MYO5A: variants seen among roughly 807,000 people sequenced by gnomAD.
MYO5A encodes the protein myosin VA.
In MYO5A, 98 loss-of-function variants were observed where a neutral mutation model predicts 249.7. That is an observed-to-expected ratio of 0.39 (90% CI 0.33 to 0.46). The LOEUF (loss-of-function observed/expected upper bound fraction) is 0.46. MYO5A is among the 20% of genes least tolerant of loss of function. The pLI, the probability that MYO5A is intolerant of heterozygous loss-of-function variation, is 0.98. For missense variants in MYO5A, 1,696 were observed against 2,308.8 expected (o/e 0.73, Z 5.44); for synonymous variants, 778 against 810.6 (o/e 0.96, Z 0.68).
chr15:52,328,717 A>G (rs2038729417), intron 35 of MYO5A, among the ~76,000 whole-genome samples: 1 of 152,202 alleles, frequency 6.6e-6, no homozygotes, highest in African/African-American at 2.4e-5. Flanking sequence ...GCAGCTTCTC[A>G]TGTCAAGCAT....
chr15:52,472,122 A>G (rs1275089632), intron 1 of MYO5A, among the ~76,000 whole-genome samples: 1 of 149,656 alleles, frequency 6.7e-6, no homozygotes, highest in East Asian at 2.0e-4. Context: ...CTTGTTGCCC[A>G]GGCTGGAGTG....
intron 1 of MYO5A, among the ~76,000 whole-genome samples, chr15:52,449,696 T>A (rs1007403044): frequency 7.2e-5 from 11 of 152,302 alleles, no homozygotes; most frequent in Middle Eastern, 3.4e-3. Context: ...TCTCTTTTAA[T>A]GTGGTGTTAA....
intron 39 of MYO5A, among the ~76,000 whole-genome samples, chr15:52,317,575 CA>C (rs1317764557): frequency 1.3e-5 from 2 of 152,210 alleles, no homozygotes; most frequent in African/African-American, 4.8e-5. Context: ...GCTTCTCTTA[CA>C]ATTTCAGAGC....
intron 23 of MYO5A, 21 bp downstream of exon 23, chr15:52,367,010 T>C (rs1479235519): frequency 1.9e-6 from 3 of 1,596,020 alleles, no homozygotes; most frequent in Non-Finnish European, 2.6e-6. Context: ...GGTTGGCGTG[T>C]AGTACGCATA....
In MYO5A at chr15:52,325,532, G is replaced by C. The variant is rs139160225; in HGVS notation, c.4711-2088C>G. Among the ~76,000 whole-genome samples, 193 of 151,408 alleles carry C rather than the reference G, an allele frequency of 1.3e-3. 1 individual carries two copies. Among genetic ancestry groups the C allele is most frequent in the Middle Eastern group, 6.8e-3 (2 of 294 alleles). On this transcript the variant is annotated intron_variant, in intron 36 of 41. Coordinates refer to ENST00000399233, the MANE Select transcript of MYO5A (RefSeq NM_001382347.1). Reference sequence around the variant, plus strand: ...TCCTCCTACCTCACCTTCCCAAGTAGCTGGGACTAAAGGAACATGCCACCA... The same window carrying C: ...TCCTCCTACCTCACCTTCCCAAGTACCTGGGACTAAAGGAACATGCCACCA...
At chr15:52,371,878 GTAATAATAATAATAATAA>G (rs36207943) in intron 21 of MYO5A, among the ~76,000 whole-genome samples, 9,195 of 143,074 alleles carry the variant, frequency 0.064, 889 homozygotes, top group African/African-American at 0.21. Flanking sequence ...TCAAATAATA[GTAATAATAATAATAATAA>G]TAATAATAAT....
At chr15:52,368,233 C>A (rs892373373) in intron 22 of MYO5A, among the ~76,000 whole-genome samples, 2 of 152,134 alleles carry the variant, frequency 1.3e-5, no homozygotes, top group African/African-American at 4.8e-5. Context: ...AGACATCAGT[C>A]CAGTAGGTAT....
At chr15:52,478,250 G>C (rs1041222968) in intron 1 of MYO5A, among the ~76,000 whole-genome samples, 4 of 152,230 alleles carry the variant, frequency 2.6e-5, no homozygotes, top group Admixed American at 1.3e-4. Flanking sequence ...AGTTTGCTAA[G>C]AACGTTGGAA....
intron 1 of MYO5A, among the ~76,000 whole-genome samples, chr15:52,435,174 A>G (rs190645640): frequency 6.6e-6 from 1 of 152,234 alleles, no homozygotes; most frequent in East Asian, 1.9e-4. Context: ...TGGGTGAACG[A>G]AAGTACAGGT....
At chr15:52,338,408 G>C (rs191625668) in intron 32 of MYO5A, among the ~76,000 whole-genome samples, 31 of 152,190 alleles carry the variant, frequency 2.0e-4, no homozygotes, top group African/African-American at 7.0e-4. Flanking sequence ...AGATGAGGTA[G>C]AAAAATCATT....
chr15:52,440,170 A>C lies in MYO5A; in HGVS notation c.28-6885T>G, dbSNP rs1004199356. Among the ~76,000 whole-genome samples, 3 of 152,354 alleles carry C rather than the reference A, an allele frequency of 2.0e-5. No homozygotes were observed. In the South Asian group the frequency reaches 6.2e-4, roughly 32 times the overall value. On this transcript the variant is annotated intron_variant, in intron 1 of 41. Transcript: ENST00000399233. ...CTGGAACATGCCAGAGAGAGGCACC[A>C]AGCAGTGTTGGCTCACCCAGCACTG... is the stretch of plus-strand genomic sequence containing the variant.
chr15:52,480,223 G>A (rs28687913), intron 1 of MYO5A, among the ~76,000 whole-genome samples: 5,109 of 152,200 alleles, frequency 0.034, 227 homozygotes, highest in African/African-American at 0.11. Flanking sequence ...TACTAATTGC[G>A]ATAGAAACTT....
At chr15:52,399,597 C>G (rs1236853528) in intron 9 of MYO5A, among the ~76,000 whole-genome samples, 1 of 152,008 alleles carries the variant, frequency 6.6e-6, no homozygotes, top group Non-Finnish European at 1.5e-5. Context: ...TTCAAACTTT[C>G]TGTATCTCTA....
intron 34 of MYO5A, among the ~76,000 whole-genome samples, chr15:52,332,096 A>G (rs2038913306): frequency 6.6e-6 from 1 of 152,254 alleles, no homozygotes; most frequent in African/African-American, 2.4e-5. Context: ...TGTAAAAAAC[A>G]AAATTATAAA....
At position 52,348,738 on chromosome 15, in the gene MYO5A, G is replaced by C. The variant is rs2141012514; in HGVS notation, c.3858+80C>G. 3 of 1,170,412 alleles carry C rather than the reference G, an allele frequency of 2.6e-6. No individual in the cohort carries two copies. The South Asian group carries it at 4.4e-5, about 17-fold the overall frequency. 72.5% of individuals were successfully genotyped at this position (1,170,412 alleles called of 1,614,324 possible). A position where few individuals can be genotyped will look rare whatever the true frequency, so the allele number is the denominator to read the frequency against. ...TAGACTTGGTCAGAAAGCATCAATTGCCTTTATTGGGGGATACTTGTAAAC... is the reference window on the plus strand; with the variant it reads ...TAGACTTGGTCAGAAAGCATCAATTCCCTTTATTGGGGGATACTTGTAAAC... On this transcript the variant is annotated intron_variant, in intron 29 of 41. Coordinates refer to ENST00000399233, the MANE Select transcript of MYO5A (RefSeq NM_001382347.1).
intron 1 of MYO5A, chr15:52,505,861 T>C: frequency 6.3e-7 from 1 of 1,577,860 alleles, no homozygotes; most frequent in Non-Finnish European, 8.5e-7. Context: ...CAACAAGATC[T>C]AAAATCCATC....
intron 1 of MYO5A, among the ~76,000 whole-genome samples, chr15:52,437,067 T>C (rs2075679877): frequency 6.6e-6 from 1 of 152,212 alleles, no homozygotes; most frequent in Non-Finnish European, 1.5e-5. Flanking sequence ...TAGGAAGTGA[T>C]TTCTAATGTC....
At chr15:52,441,486 A>G (rs1002707910) in intron 1 of MYO5A, among the ~76,000 whole-genome samples, 2 of 152,010 alleles carry the variant, frequency 1.3e-5, no homozygotes, top group African/African-American at 4.8e-5. Context: ...CTCCCCACCA[A>G]TTTTCACTTG....
At chr15:52,420,837 G>C (rs1027531446) in intron 4 of MYO5A, among the ~76,000 whole-genome samples, 3 of 152,180 alleles carry the variant, frequency 2.0e-5, no homozygotes, top group Non-Finnish European at 2.9e-5. Flanking sequence ...AATAGGGCCA[G>C]GTAGTTGAAA....
Sources: allele counts gnomAD v4.1 joint callset (sites outside exome capture counted in the v4.1 genomes callset), GRCh38; gene constraint gnomAD v4.1.1; transcripts MANE v1.5; gene names NCBI Gene and HGNC (gene_info 2026-07-23, HGNC 2026-07-21).